ABCA7: variants seen among roughly 807,000 people sequenced by gnomAD.
ABCA7 encodes the protein ATP binding cassette subfamily A member 7.
ABCA7 carries 261 observed loss-of-function variants against 227.6 expected under a neutral mutation model. The observed-to-expected ratio is 1.15, with a 90% confidence interval of 1.04 to 1.27. The LOEUF (loss-of-function observed/expected upper bound fraction) is 1.27. Among genes scored for constraint, ABCA7 ranks in the 50% most tolerant of loss-of-function variants. The pLI is 0.00. For missense variants in ABCA7, 3,331 were observed against 2,924.5 expected, an observed-to-expected ratio of 1.14 and a Z score of -3.21; for synonymous variants, 1,488 against 1,279.7, an observed-to-expected ratio of 1.16 and a Z score of -3.47.
At chr19:1,041,661 C>G in intron 3 of ABCA7, 58 bp downstream of exon 3, 9 of 1,584,592 alleles carry the variant, frequency 5.7e-6, no homozygotes, top group Non-Finnish European at 7.7e-6. Context: ...GATGGCTCAC[C>G]CGTGCACAGG....
intron 21 of ABCA7, 147 bp from the exon 22 acceptor site, chr19:1,051,794 AG>A: frequency 1.7e-6 from 2 of 1,194,898 alleles, no homozygotes; most frequent in Non-Finnish European, 2.3e-6. Flanking sequence ...GGGCCAGAAA[AG>A]GTTTCCAACA....
At chr19:1,063,948 T>TG (rs2042861044) in intron 44 of ABCA7, 85 bp downstream of exon 44, 12 of 1,441,462 alleles carry the variant, frequency 8.3e-6, no homozygotes, top group Non-Finnish European at 1.0e-5. Context: ...CCACAGGGGA[T>TG]GGGGGGTCCT....
Position 1,043,438 on chromosome 19 carries a change from C to T in ABCA7, c.895C>T (p.Pro299Ser). ...PLILGKLLFA[P>S]DTPFTRKLMA... is the part of the protein sequence containing the mutation. ...GATCCTCGGGAAGCTACTCTTTGCA[C>T]CAGATACACCTTTTACCCGGAAGCT... The change falls in exon 9 of 47, where the codon CCA (proline) becomes TCA (serine). Residue 299 changes from proline (P) to serine (S), a missense_variant. Coordinates refer to ENST00000263094, the MANE Select transcript of ABCA7 (RefSeq NM_019112.4). 1 of 1,613,418 alleles carries T rather than the reference C, an allele frequency of 6.2e-7. No individual in the cohort carries two copies. Among genetic ancestry groups the T allele is most frequent in the African/African-American group, 1.3e-5 (1 of 75,048 alleles).
In ABCA7 at chr19:1,048,887, C is replaced by T. The variant is rs370157298; in HGVS notation, c.2270-8C>T. On this transcript the variant is annotated splice_region_variant and splice_polypyrimidine_tract_variant and intron_variant, in intron 16 of 46. Coordinates refer to ENST00000263094, the MANE Select transcript of ABCA7 (RefSeq NM_019112.4). ...GGGCTAAGCAATAACCCGCGCCCCT[C>T]CCCGCAGGCCAGTACGGGATCCCTG... The T allele has an allele frequency of 6.3e-7, 1 of 1,578,266 alleles. No homozygotes were observed. The highest frequency in any genetic ancestry group is 1.8e-5 in the Admixed American group (1 of 57,088).
In ABCA7 at chr19:1,052,125, A is replaced by G. The variant is rs773079513; in HGVS notation, c.3146A>G (p.Lys1049Arg). The change falls in exon 22 of 47, where the codon AAG becomes AGG. Residue 1049 changes from lysine to arginine, a missense_variant and splice_region_variant. Transcript: ENST00000263094. ...CGCCTGCCCCTGACCACCAATGAGA[A>G]GGTGGGGACCGGCCTTCTCCTGACC... ...KARLPLTTNE[K>R]ADTDMEGSVD... 1 of 1,611,918 alleles carries G rather than the reference A, an allele frequency of 6.2e-7. No individual in the cohort carries two copies. Among genetic ancestry groups the G allele is most frequent in the Admixed American group, 1.7e-5 (1 of 59,944 alleles).
intron 20 of ABCA7, 39 bp downstream of exon 20, chr19:1,051,333 G>T: frequency 6.7e-7 from 1 of 1,490,362 alleles, no homozygotes; most frequent in Non-Finnish European, 9.0e-7. Flanking sequence ...CACAGGGAGG[G>T]GCCTGGGGAT....
Position 1,047,548 on chromosome 19 carries a change from C to A in ABCA7, c.2163C>A (p.Thr721=). The change falls in exon 16 of 47, where the codon ACC becomes ACA. Residue 721 remains threonine (T), a synonymous_variant. Transcript: ENST00000263094. ...GCGCGCAGTGGCACAACGTGGGCACCCGGCCTACGGCAGACGTCTTCAGCC... is the reference window on the plus strand; with the variant it reads ...GCGCGCAGTGGCACAACGTGGGCACACGGCCTACGGCAGACGTCTTCAGCC... ...GEGAQWHNVG[T]RPTADVFSLA... is the part of the protein sequence containing the mutation. 1 of 1,600,666 alleles carries A rather than the reference C, an allele frequency of 6.2e-7. No individual in the cohort carries two copies. Among genetic ancestry groups the A allele is most frequent in the Non-Finnish European group, 8.5e-7 (1 of 1,178,404 alleles).
rs752056965 is a variant in ABCA7 at position 1,047,626 on chromosome 19, C to T, written c.2241C>T (p.Ala747=). The change falls in exon 16 of 47, where the codon GCC becomes GCT. Residue 747 remains alanine, a synonymous_variant. Transcript: ENST00000263094. Reference sequence around the variant, plus strand: ...TGGACGCGGCGCTCTACGGCCTCGCCACCTGGTACCTGGAAGCTGTGTGCC... The same window carrying T: ...TGGACGCGGCGCTCTACGGCCTCGCTACCTGGTACCTGGAAGCTGTGTGCC... The part of the protein sequence containing the change: ...LLLDAALYGL[A]TWYLEAVCPG... 1.3e-6 allele frequency: 2 copies of T among 1,599,282 alleles called. No homozygotes were observed. Among genetic ancestry groups the T allele is most frequent in the Admixed American group, 1.7e-5 (1 of 59,804 alleles).
intron 12 of ABCA7, 34 bp downstream of exon 12, chr19:1,045,265 C>T: frequency 1.8e-6 from 2 of 1,139,452 alleles, no homozygotes; most frequent in Non-Finnish European, 1.3e-6. Context: ...GGATGAGGGA[C>T]TGGGCGGGGC....
intron 30 of ABCA7, among the ~76,000 whole-genome samples, 176 bp downstream of exon 30, chr19:1,055,527 G>T (rs1315908144): frequency 2.2e-5 from 3 of 136,804 alleles, no homozygotes; most frequent in African/African-American, 8.5e-5. Context: ...TTTTGAGATG[G>T]AGTCTCCCTC....
At position 1,058,930 on chromosome 19, in the gene ABCA7, A is replaced by G. The variant is rs752055530; in HGVS notation, c.5390A>G (p.Asn1797Ser). 1 of 1,602,366 alleles carries G rather than the reference A, an allele frequency of 6.2e-7. No individual in the cohort carries two copies. The highest frequency in any genetic ancestry group is 8.5e-7 in the Non-Finnish European group (1 of 1,171,822). Residue 1797 changes from asparagine (N) to serine (S), a missense_variant, in exon 39 of 47, where the codon AAC (asparagine) becomes AGC (serine). Physicochemically the swap from Asn to Ser is conservative, Grantham distance 46 (BLOSUM62 1). Coordinates refer to ENST00000263094, the MANE Select transcript of ABCA7 (RefSeq NM_019112.4). The part of the protein sequence containing the change: ...ATQGDVLVLR[N>S]LTKVYRGQRM... ...CAGGGGGATGTGTTGGTGCTGAGGA[A>G]CTTGACCAAGGTAGGTGTGGTCAGG...
At chr19:1,060,205 A>T (rs1198136504) in intron 40 of ABCA7, among the ~76,000 whole-genome samples, 1 of 49,204 alleles carries the variant, frequency 2.0e-5, no homozygotes, top group African/African-American at 7.5e-5. Flanking sequence ...GTATATATAT[A>T]TATTTTTTTT....
In ABCA7 at chr19:1,044,543, G is replaced by C. The variant is rs777642078; in HGVS notation, c.1048-34G>C. The C allele has an allele frequency of 2.3e-5, 37 of 1,595,626 alleles. 1 individual carries two copies. In the Middle Eastern group the frequency reaches 3.3e-3, roughly 144 times the overall value. On this transcript the variant is annotated intron_variant, in intron 10 of 46. Transcript: ENST00000263094. ...ATTACAGGCATGAGCCACTGTGCCCGACCCAGACTCTCACTTTCACCTGCG... is the reference window on the plus strand; with the variant it reads ...ATTACAGGCATGAGCCACTGTGCCCCACCCAGACTCTCACTTTCACCTGCG...
chr19:1,054,717 G>A lies in ABCA7; in HGVS notation c.3851+23G>A, dbSNP rs1176283260. 12 of 1,608,862 alleles carry A rather than the reference G, an allele frequency of 7.5e-6. No individual in the cohort carries two copies. Among genetic ancestry groups the A allele is most frequent in the African/African-American group, 2.7e-5 (2 of 74,826 alleles). On this transcript the variant is annotated intron_variant, in intron 28 of 46. Coordinates refer to ENST00000263094, the MANE Select transcript of ABCA7 (RefSeq NM_019112.4). This position sits in a 1 kb window ranked among gnomAD's most constrained non-coding sequence, Gnocchi z 4.8. ...CAGGTGGGTGCAGAAGGAAGGGGCT[G>A]GTGGCAGGAAGACTAGGGACCTGGG...
At chr19:1,046,095 G>A in intron 12 of ABCA7, 135 bp from the exon 13 acceptor site, 1 of 1,028,498 alleles carries the variant, frequency 9.7e-7, no homozygotes, top group South Asian at 1.5e-5. Context: ...CAAGGCTGCA[G>A]TGAGCTATGA....
intron 12 of ABCA7, 142 bp from the exon 13 acceptor site, chr19:1,046,088 G>A (rs2040620633): frequency 1.1e-6 from 1 of 949,412 alleles, no homozygotes; most frequent in Non-Finnish European, 1.6e-6. Context: ...GGGAGGTCAA[G>A]GCTGCAGTGA....
chr19:1,058,579 G>A (rs762734336), intron 37 of ABCA7, 39 bp from the exon 38 acceptor site: 6 of 1,605,672 alleles, frequency 3.7e-6, no homozygotes, highest in Non-Finnish European at 5.1e-6. Context: ...CAGAAACCAA[G>A]ACTCTCATGG....
chr19:1,048,870 C>T lies in ABCA7; in HGVS notation c.2270-25C>T, dbSNP rs760844992. 17 of 1,423,406 alleles carry T rather than the reference C, an allele frequency of 1.2e-5. 1 individual carries two copies. Among genetic ancestry groups the T allele is most frequent in the Non-Finnish European group, 1.5e-5 (16 of 1,033,304 alleles). The allele number at this position is 1,423,406 out of a possible 1,614,324, so 88.2% of individuals were successfully genotyped here. A position where few individuals can be genotyped will look rare whatever the true frequency, so the allele number is the denominator to read the frequency against. ...GTACACTCCTGGGGGGTGGGCTAAG[C>T]AATAACCCGCGCCCCTCCCCGCAGG... On this transcript the variant is annotated intron_variant, in intron 16 of 46. Coordinates refer to ENST00000263094, the MANE Select transcript of ABCA7 (RefSeq NM_019112.4).
At chr19:1,050,279 G>A (rs1294028413) in intron 18 of ABCA7, among the ~76,000 whole-genome samples, 1 of 151,896 alleles carries the variant, frequency 6.6e-6, no homozygotes, top group Non-Finnish European at 1.5e-5. Context: ...TGTGATGGTG[G>A]CGTGCACCTG....
Sources: gnomAD v4.1 joint callset for allele counts (sites outside exome capture counted in the v4.1 genomes callset) on GRCh38, gnomAD v4.1.1 for gene constraint, Gnocchi (gnomAD v3.1) non-coding constraint, MANE v1.5 for transcripts, NCBI Gene and HGNC (gene_info 2026-07-23, HGNC 2026-07-21) for gene names.